Variants in MARK1 observed in about 807,000 individuals in gnomAD.
MARK1 encodes serine/threonine-protein kinase MARK1.
A neutral mutation model predicts 96.3 loss-of-function variants in MARK1; 40 were observed. The observed-to-expected ratio is 0.42, with a 90% CI of 0.32 to 0.54. The LOEUF (loss-of-function observed/expected upper bound fraction) is 0.54. Ranked by LOEUF, MARK1 falls within the 20% of genes least tolerant of loss-of-function variation. The probability of loss-of-function intolerance (pLI) is 0.16; values close to 1 mark genes in which losing one functional copy is unlikely to be tolerated. For missense variants in MARK1, 719 were observed against 984.6 expected, an observed-to-expected ratio of 0.73 and a Z score of 3.61; for synonymous variants, 317 against 341.2, an observed-to-expected ratio of 0.93 and a Z score of 0.78.
At chr1:220,647,684 A>G (rs1668655747) in intron 13 of MARK1, among the ~76,000 whole-genome samples, 1 of 152,180 alleles carries the variant, frequency 6.6e-6, no homozygotes, top group Admixed American at 6.5e-5. Flanking sequence ...AAAATGTGGT[A>G]CGTATACACC....
chr1:220,573,636 T>C lies in MARK1; in HGVS notation c.52-5718T>C, dbSNP rs1038544562. Among the ~76,000 whole-genome samples, 12 of 152,260 alleles carry C rather than the reference T, an allele frequency of 7.9e-5. 1 individual carries two copies. The highest frequency in any genetic ancestry group is 2.6e-4 in the Admixed American group (4 of 15,286). ...CTGTGCCCGGCCGAGGCTTTATTTT[T>C]ATTCAGTCTTCCTGTGTCCCAGTTG... On this transcript the variant is annotated intron_variant, in intron 1 of 17. Coordinates refer to ENST00000366917, the MANE Select transcript of MARK1 (RefSeq NM_018650.5).
At chr1:220,556,069 T>G (rs894358109) in intron 1 of MARK1, among the ~76,000 whole-genome samples, 1 of 152,206 alleles carries the variant, frequency 6.6e-6, no homozygotes, top group Middle Eastern at 3.2e-3. Flanking sequence ...TCAGGGCTTT[T>G]TGATCCAGCA....
intron 3 of MARK1, among the ~76,000 whole-genome samples, chr1:220,586,168 G>T (rs1441443843): frequency 1.3e-5 from 2 of 152,100 alleles, no homozygotes; most frequent in Non-Finnish European, 2.9e-5. Context: ...TCATTAACAT[G>T]GTATAAAGGT....
rs138518514 is a variant in MARK1, at chr1:220,611,836, G to A, written c.496-4103G>A. On this transcript the variant is annotated intron_variant, in intron 6 of 17. Transcript: ENST00000366917. The stretch of plus-strand genomic sequence containing the variant: ...CAACCTCCGCCTCCTGGGTTCAAGC[G>A]ATTCTCCTACCTCAGCCTCCCAAGT... 8.7e-3 allele frequency among the ~76,000 whole-genome samples: 1,327 copies of A among 152,130 alleles called. 24 individuals are homozygous for A. The highest frequency in any genetic ancestry group is 0.03 in the African/African-American group (1,262 of 41,504).
intron 13 of MARK1, among the ~76,000 whole-genome samples, chr1:220,642,298 C>T (rs958999810): frequency 6.6e-6 from 1 of 152,210 alleles, no homozygotes; most frequent in Non-Finnish European, 1.5e-5. Flanking sequence ...TTTCCCCTGC[C>T]AGTGTTAGGG....
chr1:220,530,884 G>A (rs1660268351), intron 1 of MARK1, among the ~76,000 whole-genome samples: 1 of 152,060 alleles, frequency 6.6e-6, no homozygotes, highest in Non-Finnish European at 1.5e-5. Context: ...CCTAATTGCT[G>A]TGGAAAATAT....
intron 3 of MARK1, among the ~76,000 whole-genome samples, chr1:220,583,839 T>TTC (rs1393071674): frequency 7.0e-4 from 87 of 124,802 alleles, no homozygotes; most frequent in African/African-American, 2.3e-3. Flanking sequence ...TTTTTTTTTT[T>TTC]GTATTTTTAG....
At chr1:220,538,867 T>C in intron 1 of MARK1, among the ~76,000 whole-genome samples, 1 of 149,062 alleles carries the variant, frequency 6.7e-6, no homozygotes, top group African/African-American at 2.5e-5. Context: ...TGGCTCTCTG[T>C]TTGTCTGTTA....
chr1:220,652,104 G>A lies in MARK1; in HGVS notation c.1690G>A (p.Val564Ile). 1.9e-6 allele frequency: 3 copies of A among 1,613,374 alleles called. No homozygotes were observed. Among genetic ancestry groups the A allele is most frequent in the Non-Finnish European group, 2.5e-6 (3 of 1,179,500 alleles). The change falls in exon 15 of 18, where the codon GTC (valine) becomes ATC (isoleucine). Residue 564 changes from valine to isoleucine, a missense_variant. Coordinates refer to ENST00000366917, the MANE Select transcript of MARK1 (RefSeq NM_018650.5). ...SMSTSGHPIK[V>I]TLPTIKDGSE... ...GTCCACTTCTGGTCATCCTATTAAA[G>A]TCACACTGCCAACCATTAAAGACGG...
At chr1:220,551,917 C>T (rs961131796) in intron 1 of MARK1, among the ~76,000 whole-genome samples, 1 of 152,150 alleles carries the variant, frequency 6.6e-6, no homozygotes, top group Non-Finnish European at 1.5e-5. Context: ...TAACCCAAGC[C>T]TTCATTCCTG....
intron 3 of MARK1, among the ~76,000 whole-genome samples, chr1:220,584,883 G>C (rs1333535318): frequency 6.6e-6 from 1 of 152,044 alleles, no homozygotes; most frequent in Non-Finnish European, 1.5e-5. Flanking sequence ...ACATATACAT[G>C]CTATATAGCA....
At chr1:220,579,330 G>T in intron 1 of MARK1, 24 bp from the exon 2 acceptor site, 1 of 1,510,870 alleles carries the variant, frequency 6.6e-7, no homozygotes, top group South Asian at 1.1e-5. Flanking sequence ...AATTAACAAT[G>T]AAATCTTGTA....
intron 1 of MARK1, among the ~76,000 whole-genome samples, chr1:220,549,864 G>A (rs760934780): frequency 5.3e-5 from 8 of 152,172 alleles, no homozygotes; most frequent in Non-Finnish European, 1.0e-4. Context: ...TGGTTGTTGG[G>A]TTTTCATTGG....
chr1:220,586,021 G>GCGCA (rs1439250323), intron 3 of MARK1, among the ~76,000 whole-genome samples: 4 of 132,026 alleles, frequency 3.0e-5, no homozygotes, highest in Non-Finnish European at 6.9e-5. Context: ...ACGCGCGCGT[G>GCGCA]CGCAGAGAGA....
chr1:220,528,956 C>A, intron 1 of MARK1, 83 bp downstream of exon 1: 1 of 1,406,070 alleles, frequency 7.1e-7, no homozygotes, highest in Non-Finnish European at 9.5e-7. Context: ...GGGCCGTCCC[C>A]CGTGCCTCGG....
chr1:220,581,781 G>A (rs1309633938), intron 3 of MARK1, among the ~76,000 whole-genome samples: 1 of 152,188 alleles, frequency 6.6e-6, no homozygotes, highest in East Asian at 1.9e-4. Flanking sequence ...AAAGCAGTTA[G>A]GAAGGGGATT....
intron 3 of MARK1, among the ~76,000 whole-genome samples, chr1:220,594,215 G>C (rs1665175406): frequency 6.6e-6 from 1 of 152,164 alleles, no homozygotes; most frequent in Non-Finnish European, 1.5e-5. Flanking sequence ...ATAGGTGAAG[G>C]ATCTGAACAG....
At chr1:220,604,756 C>G (rs1665965641) in intron 6 of MARK1, among the ~76,000 whole-genome samples, 1 of 151,504 alleles carries the variant, frequency 6.6e-6, no homozygotes, top group Non-Finnish European at 1.5e-5. Flanking sequence ...ATTTTTAGAA[C>G]TGAAGTGATT....
At chr1:220,611,294 C>T (rs1402429800) in intron 6 of MARK1, among the ~76,000 whole-genome samples, 1 of 152,220 alleles carries the variant, frequency 6.6e-6, no homozygotes, top group Non-Finnish European at 1.5e-5. Flanking sequence ...AATTCCCCTC[C>T]CCCAGCCAGG....
Sources: allele counts gnomAD v4.1 joint callset (sites outside exome capture counted in the v4.1 genomes callset), GRCh38; gene constraint gnomAD v4.1.1; transcripts MANE v1.5; gene names NCBI Gene and HGNC (gene_info 2026-07-23, HGNC 2026-07-21).